KDR: variants seen among roughly 807,000 people sequenced by gnomAD.
KDR encodes vascular endothelial growth factor receptor 2.
A neutral mutation model predicts 160.9 loss-of-function variants in KDR; 43 were observed. The ratio of observed to expected loss-of-function variants is 0.27; its 90% CI spans 0.21 to 0.34. The LOEUF is 0.34. KDR is among the 10% of genes least tolerant of loss of function. The probability of loss-of-function intolerance (pLI) is 1.00; values close to 1 mark genes in which losing one functional copy is unlikely to be tolerated. For synonymous variants in KDR, 617 were observed against 600.1 expected (o/e 1.03, Z -0.41); for missense variants, 1,469 against 1,666.4 (o/e 0.88, Z 2.06).
At chr4:55,088,382 G>A (rs1374769873) in intron 26 of KDR, among the ~76,000 whole-genome samples, 1 of 152,204 alleles carries the variant, frequency 6.6e-6, no homozygotes, top group East Asian at 1.9e-4. Context: ...ATTGTAGTAA[G>A]AGGCATTGAC....
intron 10 of KDR, among the ~76,000 whole-genome samples, chr4:55,107,128 TTAAAG>T (rs1720464335): frequency 1.3e-5 from 2 of 152,228 alleles, no homozygotes; most frequent in South Asian, 4.1e-4. Flanking sequence ...ACTGGGCTCC[TTAAAG>T]TAATTTCTCT....
Position 55,113,394 on chromosome 4 carries a change from C to T in KDR, c.886G>A (p.Gly296Ser). 6.2e-7 allele frequency: 1 copy of T among 1,614,000 alleles called. No individual in the cohort carries two copies. Among genetic ancestry groups the T allele is most frequent in the Non-Finnish European group, 8.5e-7 (1 of 1,179,946 alleles). The change falls in exon 7 of 30, where the codon GGT becomes AGT. Residue 296 changes from glycine (G) to serine (S), a missense_variant. By Grantham distance (56) the Gly-to-Ser change is moderately conservative. Coordinates refer to ENST00000263923, the MANE Select transcript of KDR (RefSeq NM_002253.4). ...KKFLSTLTID[G>S]VTRSDQGLYT... ...AATCCTTGGTCACTCCGGGTTACAC[C>T]ATCTATAGTTAAGGTGCTCAAAAAT...
intron 3 of KDR, 100 bp from the exon 4 acceptor site, chr4:55,115,511 G>A (rs1298099974): frequency 4.2e-6 from 3 of 709,982 alleles, no homozygotes; most frequent in African/African-American, 1.8e-5. Context: ...GTGAATGACT[G>A]GAAGGGACAC....
chr4:55,118,270 C>T (rs1394041110), intron 3 of KDR, among the ~76,000 whole-genome samples: 4 of 152,176 alleles, frequency 2.6e-5, no homozygotes, highest in Non-Finnish European at 5.9e-5. Flanking sequence ...TAATTCACCC[C>T]CAAATCTTCC....
intron 27 of KDR, among the ~76,000 whole-genome samples, chr4:55,084,917 C>A (rs867515291): frequency 3.3e-5 from 5 of 152,336 alleles, no homozygotes; most frequent in South Asian, 4.1e-4. Context: ...GACAGTCCCA[C>A]TGCAAACAGT....
intron 5 of KDR, 31 bp from the exon 6 acceptor site, chr4:55,114,296 T>TGA (rs752425475): frequency 9.6e-5 from 154 of 1,608,040 alleles, no homozygotes; most frequent in Non-Finnish European, 1.2e-4. Flanking sequence ...AAACAGAACA[T>TGA]GAGAGAGCAA....
At chr4:55,112,210 C>T (rs1368920832) in intron 7 of KDR, among the ~76,000 whole-genome samples, 1 of 152,136 alleles carries the variant, frequency 6.6e-6, no homozygotes. Flanking sequence ...AGATTTTCTT[C>T]CACCTCTGCC....
intron 18 of KDR, 65 bp from the exon 19 acceptor site, chr4:55,096,407 T>C: frequency 1.7e-6 from 2 of 1,151,850 alleles, no homozygotes; most frequent in Non-Finnish European, 2.6e-6. Context: ...TTGGGGTCCC[T>C]CCCTCCCTGC....
chr4:55,114,355 T>C lies in KDR; in HGVS notation c.659-90A>G, dbSNP rs1043322366. The C allele has an allele frequency of 1.0e-5, 14 of 1,372,192 alleles. No homozygotes were observed. The South Asian group carries it at 1.2e-4, about 12-fold the overall frequency. 85.0% of individuals were successfully genotyped at this position (1,372,192 alleles called of 1,614,324 possible). On this transcript the variant is annotated intron_variant, in intron 5 of 29. Coordinates refer to ENST00000263923, the MANE Select transcript of KDR (RefSeq NM_002253.4). The stretch of plus-strand genomic sequence containing the variant: ...TTTATTTTTTAAAGTAATGCAACTT[T>C]AAAACATGCCACATTGTTTTTCCCT...
At position 55,125,544 on chromosome 4, in the gene KDR, G is replaced by C. The variant is rs950845680; in HGVS notation, c.-251C>G. 1.7e-6 allele frequency: 1 copy of C among 599,752 alleles called. No individual in the cohort carries two copies. The highest frequency in any genetic ancestry group is 2.0e-5 in the South Asian group (1 of 50,788). The allele number at this position is 599,752 out of a possible 1,614,324, so 37.2% of individuals were successfully genotyped here. ...GCAAGTGATGCCCGGCGCAGGCAGA[G>C]GAAACGCAGCGACCACACATTGACC... On this transcript the variant is annotated 5_prime_UTR_variant, in exon 1 of 30. Coordinates refer to ENST00000263923, the MANE Select transcript of KDR (RefSeq NM_002253.4).
Position 55,125,508 on chromosome 4 carries a change from T to C in KDR, c.-215A>G, listed in dbSNP as rs1171888338. Reference sequence around the variant, plus strand: ...GGATATCCAGGCTGCCAGACGGACTTTCTGCGGCGCGCAAGTGATGCCCGG... The same window carrying C: ...GGATATCCAGGCTGCCAGACGGACTCTCTGCGGCGCGCAAGTGATGCCCGG... On this transcript the variant is annotated 5_prime_UTR_variant, in exon 1 of 30. Transcript: ENST00000263923. 9.8e-6 allele frequency: 6 copies of C among 614,750 alleles called. No individual in the cohort carries two copies. The East Asian group carries it at 1.6e-4, about 17-fold the overall frequency. 38.1% of individuals were successfully genotyped at this position (614,750 alleles called of 1,614,324 possible).
At chr4:55,082,466 C>T (rs1157722307) in intron 28 of KDR, 70 bp downstream of exon 28, 1 of 1,196,202 alleles carries the variant, frequency 8.4e-7, no homozygotes, top group Non-Finnish European at 1.2e-6. Flanking sequence ...AATGCTTAGG[C>T]TAATATTTAT....
chr4:55,096,800 A>T (rs1457736825), intron 18 of KDR: 1 of 213,032 alleles, frequency 4.7e-6, no homozygotes, highest in East Asian at 1.1e-4. Context: ...GTGCAGGCGA[A>T]TTAAGGCCAG....
intron 27 of KDR, among the ~76,000 whole-genome samples, chr4:55,086,591 C>T (rs1350381190): frequency 2.6e-5 from 4 of 152,190 alleles, no homozygotes; most frequent in Non-Finnish European, 5.9e-5. Flanking sequence ...TGATAATATA[C>T]GGCAAAGTTC....
intron 1 of KDR, among the ~76,000 whole-genome samples, chr4:55,121,415 C>A (rs1476407730): frequency 6.6e-6 from 1 of 152,210 alleles, no homozygotes; most frequent in Non-Finnish European, 1.5e-5. Flanking sequence ...TTCTGCAATT[C>A]ATGGAGCTAG....
At position 55,096,349 on chromosome 4, in the gene KDR, A is replaced by G; in HGVS notation, c.2615-7T>C. 6.3e-7 allele frequency: 1 copy of G among 1,591,594 alleles called. No homozygotes were observed. The highest frequency in any genetic ancestry group is 8.6e-7 in the Non-Finnish European group (1 of 1,160,402). On this transcript the variant is annotated splice_polypyrimidine_tract_variant and splice_region_variant and intron_variant, in intron 18 of 29. Transcript: ENST00000263923. ...TCACTGTGTGTTGCTCCTTCTACAAATACAGTACAAAGAGGGAAATCATAG... is the reference window on the plus strand; with the variant it reads ...TCACTGTGTGTTGCTCCTTCTACAAGTACAGTACAAAGAGGGAAATCATAG...
At chr4:55,123,263 A>G (rs931111036) in intron 1 of KDR, among the ~76,000 whole-genome samples, 2 of 152,250 alleles carry the variant, frequency 1.3e-5, no homozygotes, top group Non-Finnish European at 2.9e-5. Context: ...TGCTGAAAAC[A>G]TGATGTACAA....
At chr4:55,089,120 T>C in intron 25 of KDR, 147 bp from the exon 26 acceptor site, 1 of 734,550 alleles carries the variant, frequency 1.4e-6, no homozygotes, top group Non-Finnish European at 2.4e-6. Flanking sequence ...CAGAGTCCCA[T>C]ACTCCAGAGG....
Position 55,105,841 on chromosome 4 carries a change from G to A in KDR, c.1636C>T (p.His546Tyr). The change falls in exon 12 of 30, where the codon CAC becomes TAC. Residue 546 changes from histidine to tyrosine, a missense_variant. Coordinates refer to ENST00000263923, the MANE Select transcript of KDR (RefSeq NM_002253.4). ...VGRGERVISF[H>Y]VTRGPEITLQ... Reference sequence around the variant, plus strand: ...AGAGAAGAGTACTTACTGGTCACGTGGAAGGAGATCACCCTCTCTCCTCTC... The same window carrying A: ...AGAGAAGAGTACTTACTGGTCACGTAGAAGGAGATCACCCTCTCTCCTCTC... 3.7e-6 allele frequency: 6 copies of A among 1,600,516 alleles called. No homozygotes were observed. Among genetic ancestry groups the A allele is most frequent in the Non-Finnish European group, 5.1e-6 (6 of 1,167,666 alleles).
Sources: gnomAD v4.1 joint callset for allele counts (sites outside exome capture counted in the v4.1 genomes callset) on GRCh38, gnomAD v4.1.1 for gene constraint, MANE v1.5 for transcripts, NCBI Gene and HGNC (gene_info 2026-07-23, HGNC 2026-07-21) for gene names.